The following ZFR2 variants were observed in gnomAD, a reference collection of about 807,000 sequenced individuals.
ZFR2 encodes zinc finger RNA binding protein 2, also known as zinc finger RNA-binding protein 2.
A neutral mutation model predicts 105.7 loss-of-function variants in ZFR2; 104 were observed. The observed-to-expected ratio is 0.98, with a 90% CI of 0.84 to 1.16. The LOEUF is 1.16. ZFR2 is among the 50% of genes most tolerant of loss of function. The pLI, the probability that ZFR2 is intolerant of heterozygous loss-of-function variation, is 0.00. For synonymous variants in ZFR2, 634 were observed against 597.7 expected, an observed-to-expected ratio of 1.06 and a Z score of -0.89; for missense variants, 1,425 against 1,355.5, an observed-to-expected ratio of 1.05 and a Z score of -0.80.
Position 3,827,505 on chromosome 19 carries a change from T to C in ZFR2, c.1001A>G (p.Tyr334Cys), listed in dbSNP as rs749795932. Reference protein sequence around the residue: ...CAVSCTGADAYAAHIRGSKHQ... With the variant: ...CAVSCTGADACAAHIRGSKHQ... ...CTTGGATCCCCGGATGTGGGCCGCG[T>C]AGGCGTCCGCCCCGGTGCAGGACAC... The change falls in exon 6 of 19, where the codon TAC becomes TGC. Residue 334 changes from tyrosine to cysteine, a missense_variant. By Grantham distance (194) the Tyr-to-Cys change is radical. Transcript: ENST00000262961. 6.4e-7 allele frequency: 1 copy of C among 1,555,564 alleles called. No individual in the cohort carries two copies. The highest frequency in any genetic ancestry group is 8.7e-7 in the Non-Finnish European group (1 of 1,150,370).
In ZFR2 at chr19:3,819,852, C is replaced by CAAAAGAAAAAAAAAAA. The variant is rs373530026; in HGVS notation, c.1740+329_1740+330insTTTTTTTTTTTCTTTT. The stretch of plus-strand genomic sequence containing the variant: ...TGGGCGACAGAGTGAGACTCTGTCT[C>CAAAAGAAAAAAAAAAA]AAAAAAAAATAGTTCCCATCGAACC... On this transcript the variant is annotated intron_variant, in intron 11 of 18. Coordinates refer to ENST00000262961, the MANE Select transcript of ZFR2 (RefSeq NM_015174.2). Among the ~76,000 whole-genome samples the CAAAAGAAAAAAAAAAA allele has an allele frequency of 5.3e-4, 74 of 138,630 alleles. 10 individuals are homozygous for CAAAAGAAAAAAAAAAA. The highest frequency in any genetic ancestry group is 3.8e-3 in the Middle Eastern group (1 of 264). The allele number at this position is 138,630 out of a possible 152,430, so 90.9% of individuals were successfully genotyped here.
rs767350816 is a variant in ZFR2, at chr19:3,831,712, G to T, written c.546C>A (p.Ile182=). Reference sequence around the variant, plus strand: ...AGGAGGGCGGGGGGTAGGAGGTCACGATGGAAGCTGACGACTCGGGCTGGA... The same window carrying T: ...AGGAGGGCGGGGGGTAGGAGGTCACTATGGAAGCTGACGACTCGGGCTGGA... ...TGVQPESSAS[I]VTSYPPPSYN... Residue 182 remains isoleucine, a synonymous_variant, in exon 4 of 19, where the codon ATC becomes ATA. Transcript: ENST00000262961. 7 of 1,594,394 alleles carry T rather than the reference G, an allele frequency of 4.4e-6. No individual in the cohort carries two copies. Among genetic ancestry groups the T allele is most frequent in the East Asian group, 2.3e-5 (1 of 44,412 alleles).
chr19:3,807,129 C>G, intron 18 of ZFR2, 43 bp downstream of exon 18: 1 of 1,437,324 alleles, frequency 7.0e-7, no homozygotes, highest in Non-Finnish European at 9.5e-7. Flanking sequence ...CAAGCCGGAG[C>G]TGGGGCCTGG....
chr19:3,817,930 G>A (rs1217112577), intron 12 of ZFR2, among the ~76,000 whole-genome samples: 1 of 152,228 alleles, frequency 6.6e-6, no homozygotes, highest in African/African-American at 2.4e-5. Context: ...GCCACACGGT[G>A]TGCGACCCCA....
chr19:3,817,629 T>C (rs2037840329), intron 12 of ZFR2, among the ~76,000 whole-genome samples: 1 of 148,110 alleles, frequency 6.8e-6, no homozygotes, highest in South Asian at 2.1e-4. Context: ...TGGTGGTACA[T>C]TCCTGTAGTT....
At chr19:3,851,475 T>G (rs911468153) in intron 1 of ZFR2, among the ~76,000 whole-genome samples, 3 of 152,138 alleles carry the variant, frequency 2.0e-5, no homozygotes, top group Admixed American at 6.6e-5. Flanking sequence ...CACACACACG[T>G]GCATGCACAC....
intron 17 of ZFR2, among the ~76,000 whole-genome samples, chr19:3,807,623 ATGTGCATGTGTGCCTGTG>A (rs2037712263): frequency 1.3e-5 from 2 of 150,032 alleles, no homozygotes; most frequent in Non-Finnish European, 3.0e-5. Flanking sequence ...TCATTGGCGT[ATGTGCATGTGTGCCTGTG>A]TGTGCATGTG....
At chr19:3,828,577 C>T (rs1051719291) in intron 5 of ZFR2, among the ~76,000 whole-genome samples, 8 of 152,188 alleles carry the variant, frequency 5.3e-5, no homozygotes, top group Non-Finnish European at 8.8e-5. Context: ...GGGCTCCACC[C>T]GGGGGAAGCC....
chr19:3,847,911 G>T (rs1006307317), intron 1 of ZFR2, among the ~76,000 whole-genome samples: 1 of 152,184 alleles, frequency 6.6e-6, no homozygotes, highest in Non-Finnish European at 1.5e-5. Context: ...TACAGGAGAG[G>T]GGCGGAGTCC....
At chr19:3,812,979 C>A (rs1287025308) in intron 14 of ZFR2, among the ~76,000 whole-genome samples, 2 of 152,164 alleles carry the variant, frequency 1.3e-5, no homozygotes, top group Admixed American at 1.3e-4. Context: ...TACTCGGAGG[C>A]TGAGGCAGGA....
At chr19:3,846,868 T>C (rs1333062838) in intron 1 of ZFR2, among the ~76,000 whole-genome samples, 1 of 152,254 alleles carries the variant, frequency 6.6e-6, no homozygotes, top group African/African-American at 2.4e-5. Context: ...TATCTCCTGC[T>C]AAGTAATAGA....
Position 3,831,378 on chromosome 19 carries a change from CGGCAGCTTGCT to C in ZFR2, c.766_776del (p.Ser256GlufsTer149). ...GCTGCCTGGGCCCCGCCTTGGGTCT[CGGCAGCTTGCT>C]GGGAAGCGGTGGCTTCGAGTCGGCC... On this transcript the variant is annotated frameshift_variant, in exon 5 of 19. Transcript: ENST00000262961. LOFTEE classifies it high-confidence loss of function. The C allele has an allele frequency of 6.4e-7, 1 of 1,557,910 alleles. No individual in the cohort carries two copies. Among genetic ancestry groups the C allele is most frequent in the Non-Finnish European group, 8.7e-7 (1 of 1,152,952 alleles).
At chr19:3,854,931 T>A (rs144124899) in intron 1 of ZFR2, among the ~76,000 whole-genome samples, 1 of 152,232 alleles carries the variant, frequency 6.6e-6, no homozygotes, top group East Asian at 1.9e-4. Context: ...AGATAATTTT[T>A]AAATTTTTTG....
chr19:3,821,840 C>G (rs985798200), intron 9 of ZFR2, among the ~76,000 whole-genome samples: 1 of 152,064 alleles, frequency 6.6e-6, no homozygotes, highest in Non-Finnish European at 1.5e-5. Context: ...AACTCCTGAC[C>G]TCAAATGATC....
At chr19:3,814,061 C>G (rs947239780) in intron 13 of ZFR2, 103 bp from the exon 14 acceptor site, 78 of 1,511,670 alleles carry the variant, frequency 5.2e-5, no homozygotes, top group Non-Finnish European at 6.6e-5. Context: ...CCCGTCGGGC[C>G]TCCCACACTT....
At chr19:3,833,840 T>C in intron 2 of ZFR2, 62 bp from the exon 3 acceptor site, 1 of 1,312,040 alleles carries the variant, frequency 7.6e-7, no homozygotes, top group Non-Finnish European at 1.1e-6. Context: ...AGGCGGTGGG[T>C]GCGACGCGCC....
chr19:3,839,536 CAAAAAAAAAAAAAAAAAAAAAAAAAAAAA>C (rs60712587), intron 1 of ZFR2, among the ~76,000 whole-genome samples: 1 of 36,590 alleles, frequency 2.7e-5, no homozygotes, highest in Non-Finnish European at 5.0e-5. Flanking sequence ...GGGATTCTGT[CAAAAAAAAAAAAAAAAAAAAAAAAAAAAA>C]AAAAAAAAAA....
Position 3,834,020 on chromosome 19 carries a change from G to A in ZFR2, c.265-242C>T, listed in dbSNP as rs898527995. On this transcript the variant is annotated intron_variant, in intron 2 of 18. Transcript: ENST00000262961. This position sits in a 1 kb window ranked among gnomAD's most constrained non-coding sequence, Gnocchi z 5.3. ...AGCCGACACTAATTTCCAAGAGTTC[G>A]ACTGCAATTTACAAGAGGACGCTTG... 5.9e-5 allele frequency among the ~76,000 whole-genome samples: 9 copies of A among 152,168 alleles called. No homozygotes were observed. The highest frequency in any genetic ancestry group is 1.3e-4 in the Admixed American group (2 of 15,274).
Position 3,827,490 on chromosome 19 carries a change from C to G in ZFR2, c.1016G>C (p.Arg339Pro), listed in dbSNP as rs762872120. 6.4e-7 allele frequency: 1 copy of G among 1,551,136 alleles called. No individual in the cohort carries two copies. The highest frequency in any genetic ancestry group is 1.2e-5 in the South Asian group (1 of 84,256). ...CCGTACCTTCTGGTGCTTGGATCCCCGGATGTGGGCCGCGTAGGCGTCCGC... is the reference window on the plus strand; with the variant it reads ...CCGTACCTTCTGGTGCTTGGATCCCGGGATGTGGGCCGCGTAGGCGTCCGC... ...TGADAYAAHIRGSKHQKVFKL... is the reference protein window; with the variant it reads ...TGADAYAAHIPGSKHQKVFKL... Residue 339 changes from arginine (R) to proline (P), a missense_variant, in exon 6 of 19, where the codon CGG (arginine) becomes CCG (proline). Physicochemically the swap from Arg to Pro is moderately radical, Grantham distance 103 (BLOSUM62 -2). Transcript: ENST00000262961.
Sources: allele counts gnomAD v4.1 joint callset (sites outside exome capture counted in the v4.1 genomes callset), GRCh38; gene constraint gnomAD v4.1.1; non-coding constraint Gnocchi (gnomAD v3.1); transcripts MANE v1.5; gene names NCBI Gene and HGNC (gene_info 2026-07-23, HGNC 2026-07-21).